Variants in BACH2 observed in about 807,000 individuals in gnomAD.
The protein encoded by BACH2 is transcription regulator protein BACH2.
In BACH2, 5 loss-of-function variants were observed where a neutral mutation model predicts 61.8. The observed-to-expected ratio is 0.08, with a 90% confidence interval of 0.04 to 0.17. The LOEUF is 0.17. Ranked by LOEUF, BACH2 falls within the 10% of genes least tolerant of loss-of-function variation. The pLI, the probability that BACH2 is intolerant of heterozygous loss-of-function variation, is 1.00. For missense variants in BACH2, 824 were observed against 1,091.1 expected (o/e 0.76, Z 3.45); for synonymous variants, 446 against 440.1 (o/e 1.01, Z -0.17).
At chr6:90,208,736 A>T (rs1769236191) in intron 3 of BACH2, among the ~76,000 whole-genome samples, 1 of 152,200 alleles carries the variant, frequency 6.6e-6, no homozygotes, top group Non-Finnish European at 1.5e-5. Flanking sequence ...TCATTCTACC[A>T]TAAAAACACA....
chr6:90,288,373 T>G (rs995640986), intron 1 of BACH2, among the ~76,000 whole-genome samples: 1 of 152,132 alleles, frequency 6.6e-6, no homozygotes, highest in African/African-American at 2.4e-5. Flanking sequence ...CCCATTTAGC[T>G]TTCTCCAAAA....
intron 5 of BACH2, among the ~76,000 whole-genome samples, chr6:90,022,561 G>A (rs1424721223): frequency 6.6e-6 from 1 of 152,232 alleles, no homozygotes; most frequent in Non-Finnish European, 1.5e-5. Flanking sequence ...TCCAGCCTGG[G>A]CGACAGAGCA....
chr6:90,105,588 T>G (rs1782866673), intron 4 of BACH2, among the ~76,000 whole-genome samples: 1 of 152,204 alleles, frequency 6.6e-6, no homozygotes, highest in Non-Finnish European at 1.5e-5. Flanking sequence ...AAGACATAAT[T>G]AAGTAGCTGT....
At chr6:90,085,912 T>G (rs923055418) in intron 5 of BACH2, among the ~76,000 whole-genome samples, 1 of 152,178 alleles carries the variant, frequency 6.6e-6, no homozygotes, top group Non-Finnish European at 1.5e-5. Context: ...TGTGCAACTG[T>G]CATCATCATT....
intron 4 of BACH2, among the ~76,000 whole-genome samples, chr6:90,177,358 A>G (rs1316645318): frequency 6.6e-6 from 1 of 152,176 alleles, no homozygotes; most frequent in Non-Finnish European, 1.5e-5. Context: ...ACTATCATCT[A>G]TTGAGCACCT....
At chr6:89,989,501 C>G (rs928839858) in intron 6 of BACH2, among the ~76,000 whole-genome samples, 4 of 152,086 alleles carry the variant, frequency 2.6e-5, no homozygotes, top group African/African-American at 9.7e-5. Flanking sequence ...GAGGGCAAAT[C>G]CACCTCCCTT....
In BACH2 at chr6:90,008,501, G is replaced by T; in HGVS notation, c.243+101C>A. 1 of 1,460,144 alleles carries T rather than the reference G, an allele frequency of 6.8e-7. No individual in the cohort carries two copies. The highest frequency in any genetic ancestry group is 1.3e-5 in the South Asian group (1 of 79,466). The allele number at this position is 1,460,144 out of a possible 1,614,324, so 90.4% of individuals were successfully genotyped here. A position where few individuals can be genotyped will look rare whatever the true frequency, so the allele number is the denominator to read the frequency against. On this transcript the variant is annotated intron_variant, in intron 6 of 8. Transcript: ENST00000257749. The surrounding 1 kb of genome is among the most constrained non-coding windows in gnomAD (Gnocchi z 4.1). ...ATGTGACTTGGACATCAACTCCTGA[G>T]TGGGGACATGGCACCTAGTACATCT... is the stretch of plus-strand genomic sequence containing the variant.
chr6:90,262,559 G>C (rs1771196149), intron 2 of BACH2, among the ~76,000 whole-genome samples: 1 of 152,162 alleles, frequency 6.6e-6, no homozygotes. Context: ...CTGAAAGAAT[G>C]AATGATGTAC....
At chr6:90,152,511 A>G (rs1784861157) in intron 4 of BACH2, among the ~76,000 whole-genome samples, 1 of 152,254 alleles carries the variant, frequency 6.6e-6, no homozygotes, top group South Asian at 2.1e-4. Context: ...GGATGATTAG[A>G]TAAGGCACAG....
chr6:90,270,524 A>G (rs1002407349), intron 2 of BACH2, among the ~76,000 whole-genome samples: 1 of 152,240 alleles, frequency 6.6e-6, no homozygotes, highest in Non-Finnish European at 1.5e-5. Context: ...CTAACCAAGG[A>G]GGTGAAAATC....
rs1777556080 is a variant in BACH2 at position 90,008,929 on chromosome 6, G to C, written c.-12-73C>G. ...ACCACAGCTGTAGGATCAGAGAGAG[G>C]AGGTGAGAAAGAACATCATGGTTCC... On this transcript the variant is annotated intron_variant, in intron 5 of 8. Coordinates refer to ENST00000257749, the MANE Select transcript of BACH2 (RefSeq NM_021813.4). The surrounding 1 kb of genome is among the most constrained non-coding windows in gnomAD (Gnocchi z 4.1). 6.5e-7 allele frequency: 1 copy of C among 1,538,016 alleles called. No homozygotes were observed. Among genetic ancestry groups the C allele is most frequent in the Admixed American group, 2.0e-5 (1 of 50,966 alleles).
At chr6:90,213,445 G>C (rs879298500) in intron 3 of BACH2, among the ~76,000 whole-genome samples, 3 of 152,188 alleles carry the variant, frequency 2.0e-5, no homozygotes, top group South Asian at 4.1e-4. Context: ...ACCTCCGGGA[G>C]AGAAAACTCT....
At chr6:90,280,804 A>G (rs1373827379) in intron 1 of BACH2, among the ~76,000 whole-genome samples, 1 of 152,128 alleles carries the variant, frequency 6.6e-6, no homozygotes, top group Non-Finnish European at 1.5e-5. Context: ...AGTATCCAGG[A>G]CTTGAAACCT....
chr6:89,982,449 GC>G (rs1176284881), intron 6 of BACH2, among the ~76,000 whole-genome samples: 2 of 152,184 alleles, frequency 1.3e-5, no homozygotes, highest in Non-Finnish European at 2.9e-5. Flanking sequence ...TGTGGCATCA[GC>G]TTTCTCAGAG....
chr6:90,108,230 C>T (rs1783010077), intron 4 of BACH2, among the ~76,000 whole-genome samples: 1 of 152,190 alleles, frequency 6.6e-6, no homozygotes, highest in African/African-American at 2.4e-5. Context: ...GTATCACTAA[C>T]CTGAGATCTC....
intron 6 of BACH2, among the ~76,000 whole-genome samples, chr6:89,979,649 T>C (rs933493136): frequency 5.3e-5 from 8 of 152,182 alleles, no homozygotes; most frequent in African/African-American, 1.9e-4. Context: ...ACCTAGACCA[T>C]AGGATTAATT....
chr6:90,055,242 G>A (rs535017028), intron 5 of BACH2, among the ~76,000 whole-genome samples: 10 of 152,174 alleles, frequency 6.6e-5, no homozygotes, highest in Non-Finnish European at 1.3e-4. Flanking sequence ...TTAGACGAAC[G>A]GATAACTAGA....
intron 3 of BACH2, among the ~76,000 whole-genome samples, chr6:90,242,973 G>A (rs1770502798): frequency 2.0e-5 from 3 of 150,964 alleles, no homozygotes; most frequent in Admixed American, 6.6e-5. Context: ...TCCGCCTCCC[G>A]AGTTCAAGCG....
intron 4 of BACH2, among the ~76,000 whole-genome samples, chr6:90,152,998 T>C (rs1167375099): frequency 6.6e-6 from 1 of 152,176 alleles, no homozygotes; most frequent in African/African-American, 2.4e-5. Context: ...AGCGTTCTCG[T>C]ATCAAATCTA....
Sources: allele counts gnomAD v4.1 joint callset (sites outside exome capture counted in the v4.1 genomes callset), GRCh38; gene constraint gnomAD v4.1.1; non-coding constraint Gnocchi (gnomAD v3.1); transcripts MANE v1.5; gene names NCBI Gene and HGNC (gene_info 2026-07-23, HGNC 2026-07-21).